Variants in SCRN1 observed in about 807,000 individuals in gnomAD.
SCRN1 encodes the protein secernin-1.
A neutral mutation model predicts 43.3 loss-of-function variants in SCRN1; 19 were observed. That is an observed-to-expected ratio of 0.44 (90% CI 0.31 to 0.64). The LOEUF is 0.64. Ranked by LOEUF, SCRN1 falls within the 30% of genes least tolerant of loss-of-function variation. The probability of loss-of-function intolerance (pLI) is 0.09; values close to 1 mark genes in which losing one functional copy is unlikely to be tolerated. For synonymous variants in SCRN1, 183 were observed against 188.9 expected (o/e 0.97, Z 0.26); for missense variants, 447 against 524.1 (o/e 0.85, Z 1.44).
intron 6 of SCRN1, among the ~76,000 whole-genome samples, chr7:29,927,717 A>G (rs1420094205): frequency 6.6e-6 from 1 of 152,174 alleles, no homozygotes; most frequent in Non-Finnish European, 1.5e-5. Flanking sequence ...CACCTCGGGT[A>G]CCTCAAGTGG....
intron 1 of SCRN1, chr7:29,988,720 A>C (rs1222372807): frequency 6.6e-6 from 1 of 152,464 alleles, no homozygotes; most frequent in Non-Finnish European, 1.5e-5. Flanking sequence ...CTTGCATGCT[A>C]GAATCAGACA....
At chr7:29,961,782 C>T (rs1258297856) in intron 2 of SCRN1, among the ~76,000 whole-genome samples, 1 of 145,468 alleles carries the variant, frequency 6.9e-6, no homozygotes, top group African/African-American at 2.5e-5. Flanking sequence ...GGGGGCTGAC[C>T]CCCCCACCTC....
At chr7:29,970,078 C>A (rs1788620511) in intron 1 of SCRN1, 1 of 325,908 alleles carries the variant, frequency 3.1e-6, no homozygotes, top group Non-Finnish European at 6.2e-6. Flanking sequence ...AGGGGTTGCT[C>A]CAAAACCTCT....
chr7:29,962,147 A>G (rs994706441), intron 2 of SCRN1, among the ~76,000 whole-genome samples: 2 of 150,008 alleles, frequency 1.3e-5, no homozygotes, highest in Non-Finnish European at 3.0e-5. Flanking sequence ...TTAGTTTCAT[A>G]TAATTATTAA....
In SCRN1 at chr7:29,969,024, G is replaced by A. The variant is rs1788586267; in HGVS notation, c.44C>T (p.Pro15Leu). The A allele has an allele frequency of 6.2e-7, 1 of 1,614,066 alleles. No homozygotes were observed. Among genetic ancestry groups the A allele is most frequent in the Non-Finnish European group, 8.5e-7 (1 of 1,179,998 alleles). ...TACCACCAGACCATCCTTAGCACGT[G>A]GAGGGAAGGCAACAAAACAGTAACT... is the stretch of plus-strand genomic sequence containing the variant. ...PPSYCFVAFP[P>L]RAKDGLVVFG... The change falls in exon 2 of 8, where the codon CCA becomes CTA. Residue 15 changes from proline to leucine, a missense_variant. Coordinates refer to ENST00000242059, the MANE Select transcript of SCRN1 (RefSeq NM_014766.5).
chr7:29,934,376 T>A lies in SCRN1; in HGVS notation c.905+2180A>T, dbSNP rs142011883. Among the ~76,000 whole-genome samples the A allele has an allele frequency of 1.8e-3, 276 of 152,326 alleles. 1 individual carries two copies. The highest frequency in any genetic ancestry group is 6.1e-3 in the African/African-American group (255 of 41,574). On this transcript the variant is annotated intron_variant, in intron 6 of 7. Coordinates refer to ENST00000242059, the MANE Select transcript of SCRN1 (RefSeq NM_014766.5). ...CAAGGCCCTGTCTCCTGAGCACAGTTAGAGCTGGTATCTGAGACATCAGGG... is the reference window on the plus strand; with the variant it reads ...CAAGGCCCTGTCTCCTGAGCACAGTAAGAGCTGGTATCTGAGACATCAGGG...
rs554154714 is a variant in SCRN1, at chr7:29,959,851, G to C, written c.160-4491C>G. 3.4e-4 allele frequency among the ~76,000 whole-genome samples: 52 copies of C among 152,054 alleles called. No individual in the cohort carries two copies. In the South Asian group the frequency reaches 0.01, roughly 30 times the overall value. On this transcript the variant is annotated intron_variant, in intron 2 of 7. Coordinates refer to ENST00000242059, the MANE Select transcript of SCRN1 (RefSeq NM_014766.5). ...TCTGCTAAGCCATGTTCTCTTGGAA[G>C]TGAGGGAGACACTTCTGACTCCATA...
At chr7:29,955,521 A>C (rs748796818) in intron 2 of SCRN1, among the ~76,000 whole-genome samples, 161 bp from the exon 3 acceptor site, 1 of 152,264 alleles carries the variant, frequency 6.6e-6, no homozygotes, top group Non-Finnish European at 1.5e-5. Context: ...ATGCAGCTCA[A>C]AAGTCTCCAT....
chr7:29,955,235 G>A lies in SCRN1; in HGVS notation c.285C>T (p.Ile95=). Residue 95 remains isoleucine (I), a synonymous_variant, in exon 3 of 8, where the codon ATC becomes ATT. Transcript: ENST00000242059. The part of the protein sequence containing the change: ...EHGVCIANEA[I]NTREPAAEIE... ...TCTCGGCAGCTGGCTCTCTGGTGTT[G>A]ATGGCTTCATTGGCTATGCACACTC... 1 of 1,614,166 alleles carries A rather than the reference G, an allele frequency of 6.2e-7. No homozygotes were observed. Among genetic ancestry groups the A allele is most frequent in the Non-Finnish European group, 8.5e-7 (1 of 1,180,024 alleles).
In SCRN1 at chr7:29,989,778, G is replaced by C. The variant is rs1439882703; in HGVS notation, c.-138C>G. On this transcript the variant is annotated 5_prime_UTR_variant, in exon 1 of 8. Transcript: ENST00000242059. ...AGCTGCAGTGGCGGAGGCGGCCGCC[G>C]GGCGCTTCCCCCTACCCAGACTCCC... 3.0e-6 allele frequency: 3 copies of C among 986,662 alleles called. No homozygotes were observed. The highest frequency in any genetic ancestry group is 3.6e-6 in the Non-Finnish European group (3 of 831,072). 61.1% of individuals were successfully genotyped at this position (986,662 alleles called of 1,614,324 possible).
Position 29,972,713 on chromosome 7 carries a change from T to C in SCRN1, c.-1-3645A>G, listed in dbSNP as rs539143493. ...TCCATTAATTTTTCCTGAATCACCA[T>C]GTGTGCACTGACTAGCTTCAGAGAT... On this transcript the variant is annotated intron_variant, in intron 1 of 7. Transcript: ENST00000242059. 1.1e-4 allele frequency among the ~76,000 whole-genome samples: 16 copies of C among 152,340 alleles called. No individual in the cohort carries two copies. In the East Asian group the frequency reaches 1.2e-3, roughly 11 times the overall value.
chr7:29,930,812 G>GCTT (rs1583651083), intron 6 of SCRN1, among the ~76,000 whole-genome samples: 1 of 152,246 alleles, frequency 6.6e-6, no homozygotes, highest in East Asian at 1.9e-4. Flanking sequence ...AGCACAAAGT[G>GCTT]CTTCCAATGG....
rs1788587337 is a variant in SCRN1 at position 29,969,050 on chromosome 7, T to C, written c.18A>G (p.Pro6=). 6.2e-7 allele frequency: 1 copy of C among 1,613,006 alleles called. No homozygotes were observed. Among genetic ancestry groups the C allele is most frequent in the Non-Finnish European group, 8.5e-7 (1 of 1,179,658 alleles). MAAAP[P]SYCFVAFPPR... is the part of the protein sequence containing the mutation. ...GAGGGAAGGCAACAAAACAGTAACT[T>C]GGAGGAGCTGCAGCCATCCTGAAAA... Residue 6 remains proline (P), a synonymous_variant, in exon 2 of 8, where the codon CCA becomes CCG. Coordinates refer to ENST00000242059, the MANE Select transcript of SCRN1 (RefSeq NM_014766.5).
upstream of SCRN1, chr7:29,989,808 C>T: frequency 1.4e-5 from 14 of 990,066 alleles, no homozygotes; most frequent in African/African-American, 1.7e-5. Context: ...ACTCCCGGCG[C>T]TGGGGCCCGC....
At position 29,968,892 on chromosome 7, in the gene SCRN1, T is replaced by A. The variant is rs1788579606; in HGVS notation, c.159+17A>T. 8.7e-6 allele frequency: 14 copies of A among 1,613,650 alleles called. No homozygotes were observed. Among genetic ancestry groups the A allele is most frequent in the African/African-American group, 1.3e-5 (1 of 74,886 alleles). On this transcript the variant is annotated intron_variant, in intron 2 of 7. Coordinates refer to ENST00000242059, the MANE Select transcript of SCRN1 (RefSeq NM_014766.5). The stretch of plus-strand genomic sequence containing the variant: ...GAAAAGAGAGTGTGACTCGCGAGAC[T>A]GCAATGCACGGCTTACCTCAACCTT...
rs564236653 is a variant in SCRN1 at position 29,923,572 on chromosome 7, ACTT to A, written c.*382_*384del. 12 of 177,340 alleles carry A rather than the reference ACTT, an allele frequency of 6.8e-5. No homozygotes were observed. The South Asian group carries it at 1.5e-3, about 22-fold the overall frequency. The allele number at this position is 177,340 out of a possible 1,614,324, so 11.0% of individuals were successfully genotyped here. A position where few individuals can be genotyped will look rare whatever the true frequency, so the allele number is the denominator to read the frequency against. Reference sequence around the variant, plus strand: ...AACCGCTACTGAGGGAAAGACTAAGACTTCAAAAGAATTTGCTTTTCCCGCCAA... The same window carrying A: ...AACCGCTACTGAGGGAAAGACTAAGACAAAAGAATTTGCTTTTCCCGCCAA... On this transcript the variant is annotated 3_prime_UTR_variant, in exon 8 of 8. Coordinates refer to ENST00000242059, the MANE Select transcript of SCRN1 (RefSeq NM_014766.5).
At chr7:29,934,354 G>C (rs769931641) in intron 6 of SCRN1, among the ~76,000 whole-genome samples, 2 of 152,108 alleles carry the variant, frequency 1.3e-5, no homozygotes, top group Non-Finnish European at 2.9e-5. Context: ...GGGCTCACAA[G>C]GCCCTGTCTC....
At chr7:29,964,908 C>G (rs959868472) in intron 2 of SCRN1, among the ~76,000 whole-genome samples, 1 of 152,044 alleles carries the variant, frequency 6.6e-6, no homozygotes, top group Non-Finnish European at 1.5e-5. Context: ...TGCAACTGCA[C>G]TCTAGCCTGG....
At chr7:29,987,313 C>G (rs1298372455) in intron 1 of SCRN1, among the ~76,000 whole-genome samples, 1 of 152,190 alleles carries the variant, frequency 6.6e-6, no homozygotes, top group Non-Finnish European at 1.5e-5. Flanking sequence ...AAATGCAAAT[C>G]ATAGGAAAAG....
Sources: allele counts gnomAD v4.1 joint callset (sites outside exome capture counted in the v4.1 genomes callset), GRCh38; gene constraint gnomAD v4.1.1; transcripts MANE v1.5; gene names NCBI Gene and HGNC (gene_info 2026-07-23, HGNC 2026-07-21).